Variants in TNR observed in about 807,000 individuals in gnomAD.
TNR encodes tenascin-R.
Under a neutral mutation model 150.4 loss-of-function variants are expected in TNR, and 45 were observed. That is an observed-to-expected ratio of 0.30 (90% confidence interval 0.24 to 0.38). The LOEUF (loss-of-function observed/expected upper bound fraction) is 0.38. Ranked by LOEUF, TNR falls within the 10% of genes least tolerant of loss-of-function variation. TNR has a pLI of 1.00. For synonymous variants in TNR, 687 were observed against 678.4 expected (o/e 1.01, Z -0.20); for missense variants, 1,544 against 1,759.1 (o/e 0.88, Z 2.19).
intron 1 of TNR, among the ~76,000 whole-genome samples, chr1:175,551,626 A>G (rs747892593): frequency 1.3e-4 from 20 of 152,206 alleles, no homozygotes; most frequent in Non-Finnish European, 2.2e-4. Flanking sequence ...TGTTTTCAAT[A>G]TGGTTTGTCA....
intron 2 of TNR, among the ~76,000 whole-genome samples, chr1:175,511,497 T>G (rs1659171188): frequency 6.6e-6 from 1 of 152,178 alleles, no homozygotes; most frequent in Admixed American, 6.5e-5. Context: ...TGTACTGCAA[T>G]TAGAATAAAC....
intron 1 of TNR, among the ~76,000 whole-genome samples, chr1:175,542,328 G>C (rs1660533722): frequency 6.6e-6 from 1 of 152,118 alleles, no homozygotes; most frequent in Non-Finnish European, 1.5e-5. Flanking sequence ...AGTTTGGAAG[G>C]GGGGTGCTGC....
intron 2 of TNR, among the ~76,000 whole-genome samples, chr1:175,407,491 T>C (rs1228171982): frequency 6.6e-6 from 1 of 152,220 alleles, no homozygotes; most frequent in African/African-American, 2.4e-5. Flanking sequence ...GGTTACCTAG[T>C]CACCAAGAAC....
chr1:175,600,655 C>T (rs1488523316), intron 1 of TNR, among the ~76,000 whole-genome samples: 1 of 152,238 alleles, frequency 6.6e-6, no homozygotes, highest in Non-Finnish European at 1.5e-5. Flanking sequence ...AGGAGCAGAA[C>T]CCCAGCCCCT....
Position 175,559,592 on chromosome 1 carries a change from T to A in TNR, c.-164-31223A>T, listed in dbSNP as rs536051979. 2.0e-5 allele frequency among the ~76,000 whole-genome samples: 3 copies of A among 152,316 alleles called. No homozygotes were observed. In the East Asian group the frequency reaches 5.8e-4, roughly 29 times the overall value. On this transcript the variant is annotated intron_variant, in intron 1 of 22. Coordinates refer to ENST00000367674, the MANE Select transcript of TNR (RefSeq NM_003285.3). ...CATATGTATCACTGAAGAATACATA[T>A]CAGTATTGTACATGTTTTTAGATGT...
chr1:175,668,857 G>T (rs1665607688), intron 1 of TNR, among the ~76,000 whole-genome samples: 1 of 152,190 alleles, frequency 6.6e-6, no homozygotes, highest in South Asian at 2.1e-4. Flanking sequence ...TATGTACTCA[G>T]ATCTGTTTAC....
intron 2 of TNR, among the ~76,000 whole-genome samples, chr1:175,492,158 A>G (rs1475157711): frequency 3.3e-5 from 5 of 152,250 alleles, no homozygotes; most frequent in Non-Finnish European, 7.3e-5. Context: ...TTTGGAGGAA[A>G]AAAAAGGAGC....
At chr1:175,517,869 G>T (rs1400842014) in intron 2 of TNR, among the ~76,000 whole-genome samples, 7 of 152,120 alleles carry the variant, frequency 4.6e-5, no homozygotes, top group Non-Finnish European at 1.0e-4. Context: ...TACCCACTGT[G>T]CATGTTTCCA....
chr1:175,585,875 G>A (rs1397424655), intron 1 of TNR, among the ~76,000 whole-genome samples: 2 of 152,006 alleles, frequency 1.3e-5, no homozygotes, highest in Non-Finnish European at 2.9e-5. Flanking sequence ...TAACTTTTGT[G>A]ATGTCTTGGC....
At position 175,315,209 on chromosome 1, in the gene TNR, T is replaced by C. The variant is rs1221023064; in HGVS notation, c.*8148A>G. The C allele has an allele frequency of 6.6e-6, 1 of 152,152 alleles. No homozygotes were observed. The highest frequency in any genetic ancestry group is 2.4e-5 in the African/African-American group (1 of 41,424). 9.4% of individuals were successfully genotyped at this position (152,152 alleles called of 1,614,324 possible). On this transcript the variant is annotated 3_prime_UTR_variant, in exon 23 of 23. Transcript: ENST00000367674. ...GACACGCATCTTTCTTTCAGGATCT[T>C]TTATTAACGTATAGAAAATGTGTTT... is the stretch of plus-strand genomic sequence containing the variant.
chr1:175,487,824 T>G (rs1658078762), intron 2 of TNR, among the ~76,000 whole-genome samples: 2 of 152,134 alleles, frequency 1.3e-5, no homozygotes, highest in African/African-American at 4.8e-5. Flanking sequence ...CAAATGGAAT[T>G]GTTATTTTAG....
intron 9 of TNR, among the ~76,000 whole-genome samples, chr1:175,370,594 G>A (rs545770090): frequency 6.6e-6 from 1 of 152,108 alleles, no homozygotes; most frequent in East Asian, 1.9e-4. Flanking sequence ...TGATCCATTT[G>A]AAGCACACAT....
chr1:175,679,784 G>A (rs761457170), intron 1 of TNR, among the ~76,000 whole-genome samples: 1 of 152,216 alleles, frequency 6.6e-6, no homozygotes, highest in Non-Finnish European at 1.5e-5. Flanking sequence ...GAAGAGGAGA[G>A]AAGCCTGCAG....
At chr1:175,663,013 T>G (rs1665423929) in intron 1 of TNR, among the ~76,000 whole-genome samples, 1 of 152,206 alleles carries the variant, frequency 6.6e-6, no homozygotes, top group Non-Finnish European at 1.5e-5. Context: ...GTTGAAAGGA[T>G]TACACGAGAT....
In TNR at chr1:175,708,986, C is replaced by CAA. The variant is rs1558084569; in HGVS notation, c.-165+34239_-165+34240insTT. On this transcript the variant is annotated intron_variant, in intron 1 of 22. Coordinates refer to ENST00000367674, the MANE Select transcript of TNR (RefSeq NM_003285.3). ...TATGCACACAAGCACCCCCACGTGG[C>CAA]GAGCATGTTATATCATGTAATCCTC... 4.5e-3 allele frequency among the ~76,000 whole-genome samples: 677 copies of CAA among 150,336 alleles called. 5 individuals are homozygous for CAA. Among genetic ancestry groups the CAA allele is most frequent in the African/African-American group, 0.016 (646 of 39,724 alleles).
chr1:175,481,925 G>T (rs1657825625), intron 2 of TNR, among the ~76,000 whole-genome samples: 1 of 152,072 alleles, frequency 6.6e-6, no homozygotes, highest in Non-Finnish European at 1.5e-5. Context: ...TCATTCCTCT[G>T]TACCAGACCC....
chr1:175,425,165 G>A (rs952379052), intron 2 of TNR, among the ~76,000 whole-genome samples: 1 of 152,140 alleles, frequency 6.6e-6, no homozygotes, highest in African/African-American at 2.4e-5. Context: ...TAGGTGTGGA[G>A]CTTGGGAATC....
At chr1:175,447,227 G>A (rs936092243) in intron 2 of TNR, among the ~76,000 whole-genome samples, 2 of 152,070 alleles carry the variant, frequency 1.3e-5, no homozygotes, top group South Asian at 2.1e-4. Flanking sequence ...GGGTGAGGAG[G>A]GGGTGGGGAG....
In TNR at chr1:175,406,350, T is replaced by C. The variant is rs769605528; in HGVS notation, c.365A>G (p.Lys122Arg). The C allele has an allele frequency of 6.8e-6, 11 of 1,613,968 alleles. No individual in the cohort carries two copies. Among genetic ancestry groups the C allele is most frequent in the South Asian group, 3.3e-5 (3 of 91,070 alleles). ...VTFTHRINFP[K>R]KACPCASSAQ... ...TGAACTGGCACATGGACAGGCCTTT[T>C]TGGGGAAGTTGATCCTGTGTGTAAA... Residue 122 changes from lysine (K) to arginine (R), a missense_variant, in exon 3 of 23, where the codon AAA becomes AGA. Physicochemically the swap from Lys to Arg is conservative, Grantham distance 26 (BLOSUM62 2). This residue lies in a region of TNR where 1,254 missense variants were observed against 1,329.4 expected (regional missense o/e 0.94). Coordinates refer to ENST00000367674, the MANE Select transcript of TNR (RefSeq NM_003285.3).
Sources: gnomAD v4.1 joint callset for allele counts (sites outside exome capture counted in the v4.1 genomes callset) on GRCh38, gnomAD v4.1.1 for gene constraint, gnomAD v4.1.1 regional missense constraint, MANE v1.5 for transcripts, NCBI Gene and HGNC (gene_info 2026-07-23, HGNC 2026-07-21) for gene names.